GRID2IP: variants seen among roughly 807,000 people sequenced by gnomAD.
GRID2IP encodes Grid2 interacting protein.
Under a neutral mutation model 114.3 loss-of-function variants are expected in GRID2IP, and 78 were observed. The ratio of observed to expected loss-of-function variants is 0.68; its 90% confidence interval spans 0.57 to 0.82. The LOEUF is 0.82. Ranked by LOEUF, GRID2IP falls within the 40% of genes least tolerant of loss-of-function variation. GRID2IP has a pLI of 0.00. For missense variants in GRID2IP, 1,727 were observed against 1,678.5 expected (o/e 1.03, Z -0.51); for synonymous variants, 809 against 724.0 (o/e 1.12, Z -1.89).
Position 6,521,921 on chromosome 7 carries a change from T to C in GRID2IP, c.956A>G (p.Asp319Gly). The C allele has an allele frequency of 6.4e-7, 1 of 1,551,486 alleles. No individual in the cohort carries two copies. The highest frequency in any genetic ancestry group is 8.7e-7 in the Non-Finnish European group (1 of 1,146,876). The change falls in exon 5 of 22, where the codon GAC becomes GGC. Residue 319 changes from aspartate to glycine, a missense_variant. Asp to Gly is a moderately conservative substitution (Grantham distance 94). Coordinates refer to ENST00000457091, the MANE Select transcript of GRID2IP (RefSeq NM_001145118.2). The surrounding 1 kb of genome is among the most constrained non-coding windows in gnomAD (Gnocchi z 4.1). Reference sequence around the variant, plus strand: ...CAGTCCATTGAGGAAGAGGATCCGGTCACCTGACTTGAGGGCAGCATTGTC... The same window carrying C: ...CAGTCCATTGAGGAAGAGGATCCGGCCACCTGACTTGAGGGCAGCATTGTC... ...PADNAALKSG[D>G]RILFLNGLDM...
In GRID2IP at chr7:6,551,246, C is replaced by T. The variant is rs765165132; in HGVS notation, c.191G>A (p.Arg64His). Reference sequence around the variant, plus strand: ...GCAGCGCCGTGCCAGGCGCACGAGGCGCTCGCGGCTCAGACCGCCCACCGC... The same window carrying T: ...GCAGCGCCGTGCCAGGCGCACGAGGTGCTCGCGGCTCAGACCGCCCACCGC... ...GLAVGGLSRE[R>H]LVRLARRCPR... is the part of the protein sequence containing the mutation. Residue 64 changes from arginine (R) to histidine (H), a missense_variant, in exon 1 of 22, where the codon CGC becomes CAC. Coordinates refer to ENST00000457091, the MANE Select transcript of GRID2IP (RefSeq NM_001145118.2). 25 of 1,531,754 alleles carry T rather than the reference C, an allele frequency of 1.6e-5. No homozygotes were observed. Among genetic ancestry groups the T allele is most frequent in the East Asian group, 2.5e-5 (1 of 40,572 alleles). The allele number at this position is 1,531,754 out of a possible 1,614,324, so 94.9% of individuals were successfully genotyped here.
rs1053401013 is a variant in GRID2IP, at chr7:6,508,532, G to C, written c.2128-131C>G. ...ATCTCACGGGTTAGCCTCAGGCTGTGAGGGACACCTGGGCTAAGGATAGGA... is the reference window on the plus strand; with the variant it reads ...ATCTCACGGGTTAGCCTCAGGCTGTCAGGGACACCTGGGCTAAGGATAGGA... On this transcript the variant is annotated intron_variant, in intron 12 of 21. Transcript: ENST00000457091. This position sits in a 1 kb window ranked among gnomAD's most constrained non-coding sequence, Gnocchi z 5.6. The C allele has an allele frequency of 1.7e-5, 24 of 1,421,120 alleles. No individual in the cohort carries two copies. The Admixed American group carries it at 5.3e-4, about 32-fold the overall frequency. The allele number at this position is 1,421,120 out of a possible 1,614,324, so 88.0% of individuals were successfully genotyped here. A position where few individuals can be genotyped will look rare whatever the true frequency, so the allele number is the denominator to read the frequency against.
At chr7:6,533,617 G>C (rs528224235) in intron 2 of GRID2IP, among the ~76,000 whole-genome samples, 12 of 151,360 alleles carry the variant, frequency 7.9e-5, no homozygotes, top group Non-Finnish European at 1.6e-4. Flanking sequence ...TTCTGTTTCA[G>C]CCTCCAAAAT....
intron 8 of GRID2IP, 45 bp from the exon 9 acceptor site, chr7:6,511,084 C>T (rs1779141993): frequency 7.4e-6 from 10 of 1,354,098 alleles, no homozygotes; most frequent in Non-Finnish European, 6.7e-6. Context: ...CCCTCTCAGC[C>T]AGACAAGGGA....
chr7:6,526,683 G>A lies in GRID2IP; in HGVS notation c.671C>T (p.Ala224Val), dbSNP rs1409101454. 8.9e-5 allele frequency: 132 copies of A among 1,484,414 alleles called. No homozygotes were observed. Among genetic ancestry groups the A allele is most frequent in the Non-Finnish European group, 1.1e-4 (125 of 1,119,706 alleles). The allele number at this position is 1,484,414 out of a possible 1,614,324, so 92.0% of individuals were successfully genotyped here. ...LLGKLCRARR[A>V]QGAQRLRRSR... ...CCGGCGCAGTCGCTGCGCGCCCTGG[G>A]CCCGGCGTGCGCGGCACAGCTTGCC... Residue 224 changes from alanine (A) to valine (V), a missense_variant, in exon 3 of 22, where the codon GCC (alanine) becomes GTC (valine). Coordinates refer to ENST00000457091, the MANE Select transcript of GRID2IP (RefSeq NM_001145118.2). This position sits in a 1 kb window ranked among gnomAD's most constrained non-coding sequence, Gnocchi z 7.6.
intron 2 of GRID2IP, among the ~76,000 whole-genome samples, chr7:6,535,163 G>T (rs1234698015): frequency 1.3e-5 from 2 of 152,036 alleles, no homozygotes; most frequent in Non-Finnish European, 2.9e-5. Context: ...GGGATTACAG[G>T]TGTGAGCCAC....
intron 14 of GRID2IP, 41 bp downstream of exon 14, chr7:6,505,779 T>A: frequency 7.7e-7 from 1 of 1,297,000 alleles, no homozygotes; most frequent in Non-Finnish European, 1.1e-6. Flanking sequence ...CCACAGATGG[T>A]GTGGTATCTG....
intron 2 of GRID2IP, chr7:6,531,245 C>T: frequency 2.4e-6 from 1 of 417,002 alleles, no homozygotes; most frequent in Non-Finnish European, 4.2e-6. Context: ...GCCCGCAGCC[C>T]CGCCCTGGCC....
At chr7:6,517,395 C>T (rs1199709198) in intron 7 of GRID2IP, among the ~76,000 whole-genome samples, 3 of 152,012 alleles carry the variant, frequency 2.0e-5, no homozygotes, top group African/African-American at 7.3e-5. Context: ...CATCTCCGCA[C>T]ACGAAGAGAA....
chr7:6,518,909 GTTTTT>G (rs11478136), intron 7 of GRID2IP, among the ~76,000 whole-genome samples: 2 of 151,682 alleles, frequency 1.3e-5, no homozygotes, highest in South Asian at 2.1e-4. Context: ...ATCAAGCACA[GTTTTT>G]TTTTGTTTTT....
In GRID2IP at chr7:6,512,807, G is replaced by A. The variant is rs551039979; in HGVS notation, c.1423+1568C>T. 5.3e-5 allele frequency among the ~76,000 whole-genome samples: 8 copies of A among 152,100 alleles called. No homozygotes were observed. In the South Asian group the frequency reaches 6.2e-4, roughly 12 times the overall value. Reference sequence around the variant, plus strand: ...ATTACAGACGTGAGTCACCGCGCACGGCCACCCCTGGCTGATTTTTAAATA... The same window carrying A: ...ATTACAGACGTGAGTCACCGCGCACAGCCACCCCTGGCTGATTTTTAAATA... On this transcript the variant is annotated intron_variant, in intron 8 of 21. Coordinates refer to ENST00000457091, the MANE Select transcript of GRID2IP (RefSeq NM_001145118.2).
Position 6,506,611 on chromosome 7 carries a change from C to G in GRID2IP, c.2545-704G>C, listed in dbSNP as rs1039125392. 6.6e-6 allele frequency among the ~76,000 whole-genome samples: 1 copy of G among 151,726 alleles called. No individual in the cohort carries two copies. The highest frequency in any genetic ancestry group is 2.4e-5 in the African/African-American group (1 of 41,304). The stretch of plus-strand genomic sequence containing the variant: ...GTGGAGCAATACTTGAAGATCGGTC[C>G]AAGGCTGGCAGGAGTGAGGTCTCCA... On this transcript the variant is annotated intron_variant, in intron 13 of 21. Coordinates refer to ENST00000457091, the MANE Select transcript of GRID2IP (RefSeq NM_001145118.2). The surrounding 1 kb of genome is among the most constrained non-coding windows in gnomAD (Gnocchi z 5.2).
intron 20 of GRID2IP, 142 bp downstream of exon 20, chr7:6,501,639 C>T: frequency 1.5e-6 from 1 of 678,828 alleles, no homozygotes; most frequent in Non-Finnish European, 2.6e-6. Context: ...GAGCCTCTTC[C>T]AGGACCCCTG....
In GRID2IP at chr7:6,521,003, C is replaced by G. The variant is rs967439516; in HGVS notation, c.1085-242G>C. Among the ~76,000 whole-genome samples, 2 of 152,188 alleles carry G rather than the reference C, an allele frequency of 1.3e-5. No individual in the cohort carries two copies. Among genetic ancestry groups the G allele is most frequent in the Non-Finnish European group, 2.9e-5 (2 of 68,024 alleles). Reference sequence around the variant, plus strand: ...TTGTTTGTTTTGAGACAGAGTCTTGCTCTGTTGCCCAGGCGGGAGTGCAAT... The same window carrying G: ...TTGTTTGTTTTGAGACAGAGTCTTGGTCTGTTGCCCAGGCGGGAGTGCAAT... On this transcript the variant is annotated intron_variant, in intron 6 of 21. Transcript: ENST00000457091. This position sits in a 1 kb window ranked among gnomAD's most constrained non-coding sequence, Gnocchi z 4.1.
rs1477683718 is a variant in GRID2IP at position 6,528,338 on chromosome 7, ATCCTGATG to A, written c.585-1577_585-1570del. 6.6e-6 allele frequency among the ~76,000 whole-genome samples: 1 copy of A among 152,168 alleles called. No homozygotes were observed. ...TCTCTGAGTAATGGCAGCAGTTAACATCCTGATGGACTCTCCGGTCTGTGGCAGAGGAT... is the reference window on the plus strand; with the variant it reads ...TCTCTGAGTAATGGCAGCAGTTAACAGACTCTCCGGTCTGTGGCAGAGGAT... On this transcript the variant is annotated intron_variant, in intron 2 of 21. Transcript: ENST00000457091. The surrounding 1 kb of genome is among the most constrained non-coding windows in gnomAD (Gnocchi z 6.0).
intron 7 of GRID2IP, 133 bp from the exon 8 acceptor site, chr7:6,514,662 G>GTGCAAACGCACT: frequency 1.3e-6 from 1 of 746,946 alleles, no homozygotes; most frequent in Non-Finnish European, 1.9e-6. Context: ...TTCAAAGACA[G>GTGCAAACGCACT]AAGTGGGGGC....
In GRID2IP at chr7:6,504,925, A is replaced by G. The variant is rs1786532660; in HGVS notation, c.2633-55T>C. 6 of 1,463,210 alleles carry G rather than the reference A, an allele frequency of 4.1e-6. No individual in the cohort carries two copies. In the Admixed American group the frequency reaches 5.9e-5, roughly 14 times the overall value. The allele number at this position is 1,463,210 out of a possible 1,614,324, so 90.6% of individuals were successfully genotyped here. The stretch of plus-strand genomic sequence containing the variant: ...CGGCTAGGCTGAGGCTGCAGTGGGA[A>G]GGCCCAGGGGTGGCGTGGTCACAGC... On this transcript the variant is annotated intron_variant, in intron 14 of 21. Coordinates refer to ENST00000457091, the MANE Select transcript of GRID2IP (RefSeq NM_001145118.2).
intron 1 of GRID2IP, among the ~76,000 whole-genome samples, chr7:6,540,841 A>G (rs1779806086): frequency 1.3e-5 from 2 of 150,254 alleles, no homozygotes; most frequent in African/African-American, 4.9e-5. Context: ...AATTTATTTT[A>G]ATTTAATTTT....
intron 7 of GRID2IP, among the ~76,000 whole-genome samples, chr7:6,517,530 G>A (rs1281961979): frequency 6.6e-6 from 1 of 152,082 alleles, no homozygotes; most frequent in South Asian, 2.1e-4. Flanking sequence ...ATTCATATTA[G>A]ACACAACAGA....
Sources: allele counts gnomAD v4.1 joint callset (sites outside exome capture counted in the v4.1 genomes callset), GRCh38; gene constraint gnomAD v4.1.1; non-coding constraint Gnocchi (gnomAD v3.1); transcripts MANE v1.5; gene names NCBI Gene and HGNC (gene_info 2026-07-23, HGNC 2026-07-21).